The following PPP1R21 variants were observed in gnomAD, a reference collection of about 807,000 sequenced individuals.
PPP1R21 encodes KLRAQ motif containing 1.
PPP1R21 carries 85 observed loss-of-function variants against 112.8 expected under a neutral mutation model. The observed-to-expected ratio is 0.75, with a 90% confidence interval of 0.63 to 0.90. The LOEUF (loss-of-function observed/expected upper bound fraction) is 0.90. Ranked by LOEUF, PPP1R21 falls within the 40% of genes least tolerant of loss-of-function variation. PPP1R21 has a pLI of 0.00. For missense variants in PPP1R21, 1,199 were observed against 901.5 expected (o/e 1.33, Z -4.23); for synonymous variants, 381 against 322.3 (o/e 1.18, Z -1.95).
intron 1 of PPP1R21, among the ~76,000 whole-genome samples, chr2:48,448,791 A>G (rs1255558911): frequency 1.3e-5 from 2 of 152,244 alleles, no homozygotes; most frequent in Non-Finnish European, 2.9e-5. Flanking sequence ...TTGAACTTCT[A>G]GAGCAGAGTT....
rs1668066920 is a variant in PPP1R21 at position 48,463,450 on chromosome 2, G to A, written c.695-1487G>A. On this transcript the variant is annotated intron_variant, in intron 7 of 21. Coordinates refer to ENST00000294952, the MANE Select transcript of PPP1R21 (RefSeq NM_001135629.3). ...TTTGCGAGGAGCGCTTCTGTGCAGGGTGTAGGTGGACACTAGATTGCCAGC... is the reference window on the plus strand; with the variant it reads ...TTTGCGAGGAGCGCTTCTGTGCAGGATGTAGGTGGACACTAGATTGCCAGC... 5.3e-5 allele frequency among the ~76,000 whole-genome samples: 8 copies of A among 152,302 alleles called. No homozygotes were observed. In the South Asian group the frequency reaches 1.5e-3, roughly 28 times the overall value.
chr2:48,508,674 C>G (rs781671165), intron 19 of PPP1R21, among the ~76,000 whole-genome samples: 1 of 152,208 alleles, frequency 6.6e-6, no homozygotes, highest in Non-Finnish European at 1.5e-5. Flanking sequence ...GTCCTTTTCA[C>G]AAGGACCTGT....
At chr2:48,509,957 G>A in intron 19 of PPP1R21, 58 bp from the exon 20 acceptor site, 1 of 1,319,992 alleles carries the variant, frequency 7.6e-7, no homozygotes, top group Non-Finnish European at 1.1e-6. Flanking sequence ...CTTTCCCGAA[G>A]CAAATTTGGT....
chr2:48,493,055 C>T (rs1281817976), intron 15 of PPP1R21, among the ~76,000 whole-genome samples: 14 of 121,092 alleles, frequency 1.2e-4, no homozygotes, highest in Admixed American at 7.4e-4. Flanking sequence ...CTTGCACTAT[C>T]GCCCAGGCTG....
chr2:48,444,362 G>A (rs1202277416), intron 1 of PPP1R21, among the ~76,000 whole-genome samples: 1 of 152,176 alleles, frequency 6.6e-6, no homozygotes, highest in Non-Finnish European at 1.5e-5. Flanking sequence ...AGATGTGAGG[G>A]AAAGTTAATC....
intron 13 of PPP1R21, among the ~76,000 whole-genome samples, chr2:48,481,734 A>T (rs889818963): frequency 3.9e-5 from 6 of 152,312 alleles, no homozygotes; most frequent in Non-Finnish European, 8.8e-5. Flanking sequence ...AATAAAATAA[A>T]AAAAAAATAA....
intron 18 of PPP1R21, among the ~76,000 whole-genome samples, chr2:48,507,005 G>A (rs899839494): frequency 2.0e-5 from 3 of 151,382 alleles, no homozygotes; most frequent in African/African-American, 4.9e-5. Flanking sequence ...GAGGGGCAGG[G>A]TTCCAGTGGG....
intron 7 of PPP1R21, among the ~76,000 whole-genome samples, chr2:48,463,045 A>G (rs969703082): frequency 6.6e-5 from 10 of 152,314 alleles, no homozygotes; most frequent in African/African-American, 2.4e-4. Flanking sequence ...AACGAGGTTA[A>G]CTTTGTTGTT....
At chr2:48,494,058 CAAAAAAAAAA>C (rs70943344) in intron 15 of PPP1R21, among the ~76,000 whole-genome samples, 3 of 63,236 alleles carry the variant, frequency 4.7e-5, no homozygotes, top group African/African-American at 2.0e-4. Context: ...CTCGTCTCTC[CAAAAAAAAAA>C]AAAAAAAAAA....
At chr2:48,501,372 G>C (rs1670103812) in intron 17 of PPP1R21, among the ~76,000 whole-genome samples, 1 of 152,162 alleles carries the variant, frequency 6.6e-6, no homozygotes, top group Non-Finnish European at 1.5e-5. Context: ...CTAGACCAGG[G>C]AGGGTGCTGC....
intron 19 of PPP1R21, among the ~76,000 whole-genome samples, chr2:48,508,428 G>A (rs898696992): frequency 1.3e-5 from 2 of 152,192 alleles, no homozygotes; most frequent in Non-Finnish European, 2.9e-5. Flanking sequence ...GTGAAGAGGG[G>A]CTTTGCATCT....
chr2:48,484,468 G>T (rs1669181049), intron 13 of PPP1R21, among the ~76,000 whole-genome samples: 1 of 150,446 alleles, frequency 6.6e-6, no homozygotes, highest in African/African-American at 2.4e-5. Flanking sequence ...TTAATGTCAA[G>T]AAACACTCTA....
intron 18 of PPP1R21, among the ~76,000 whole-genome samples, chr2:48,506,783 A>C (rs1245540364): frequency 6.6e-6 from 1 of 152,056 alleles, no homozygotes; most frequent in African/African-American, 2.4e-5. Flanking sequence ...GTCTCTACTA[A>C]AAAATATAAA....
rs752345244 is a variant in PPP1R21, at chr2:48,465,618, C to T, written c.873C>T (p.Asp291=). The part of the protein sequence containing the change: ...IQIFPVDSAI[D]TISPLNQKFS... ...TTTTTCCTGTTGATTCTGCCATTGA[C>T]ACTATATCTCCATTGAATCAGAAGG... Residue 291 remains aspartate (D), a synonymous_variant, in exon 9 of 22, where the codon GAC becomes GAT. Transcript: ENST00000294952. 1.2e-6 allele frequency: 2 copies of T among 1,612,314 alleles called. No individual in the cohort carries two copies. The highest frequency in any genetic ancestry group is 2.2e-5 in the East Asian group (1 of 44,858).
chr2:48,511,272 A>T, intron 20 of PPP1R21, 68 bp from the exon 21 acceptor site: 2 of 1,486,672 alleles, frequency 1.3e-6, no homozygotes, highest in Non-Finnish European at 9.0e-7. Context: ...TTCTTTTGTG[A>T]ATTAAAAAAG....
At chr2:48,495,619 G>C (rs1669800687) in intron 15 of PPP1R21, 60 bp from the exon 16 acceptor site, 2 of 878,596 alleles carry the variant, frequency 2.3e-6, no homozygotes, top group Admixed American at 1.8e-5. Context: ...GTGTATGTTG[G>C]ATGCAGGGGA....
In PPP1R21 at chr2:48,454,463, T is replaced by TA. The variant is rs375424505; in HGVS notation, c.127-131dup. On this transcript the variant is annotated intron_variant, in intron 2 of 21. Transcript: ENST00000294952. ...GCTAAAAACTTAAGAACTGAAGTGA[T>TA]ACACATACAACCTGAATTTCCTAAA... The TA allele has an allele frequency of 1.7e-3, 1,763 of 1,038,174 alleles. 1 individual carries two copies. Among genetic ancestry groups the TA allele is most frequent in the Non-Finnish European group, 2.3e-3 (1,617 of 700,580 alleles). The allele number at this position is 1,038,174 out of a possible 1,614,324, so 64.3% of individuals were successfully genotyped here. A position where few individuals can be genotyped will look rare whatever the true frequency, so the allele number is the denominator to read the frequency against.
At chr2:48,503,247 T>C (rs941569926) in intron 17 of PPP1R21, among the ~76,000 whole-genome samples, 7 of 152,208 alleles carry the variant, frequency 4.6e-5, no homozygotes, top group African/African-American at 1.4e-4. Flanking sequence ...ACCAATGTTA[T>C]CGTTTTTTTC....
chr2:48,463,961 G>C (rs1007023191), intron 7 of PPP1R21, among the ~76,000 whole-genome samples: 3 of 151,918 alleles, frequency 2.0e-5, no homozygotes, highest in African/African-American at 4.8e-5. Context: ...GAAAAGGTTT[G>C]GGATAGATGC....
Sources: allele counts gnomAD v4.1 joint callset (sites outside exome capture counted in the v4.1 genomes callset), GRCh38; gene constraint gnomAD v4.1.1; transcripts MANE v1.5; gene names NCBI Gene and HGNC (gene_info 2026-07-23, HGNC 2026-07-21).